Variants in POU2F1 observed in about 807,000 individuals in gnomAD.
POU2F1 encodes POU class 2 homeobox 1, also known as POU domain, class 2, transcription factor 1.
POU2F1 carries 16 observed loss-of-function variants against 84.9 expected under a neutral mutation model. The ratio of observed to expected loss-of-function variants is 0.19; its 90% CI spans 0.13 to 0.29. POU2F1 has a LOEUF of 0.29. Ranked by LOEUF, POU2F1 falls within the 10% of genes least tolerant of loss-of-function variation. POU2F1 has a pLI of 1.00. For synonymous variants in POU2F1, 368 were observed against 368.3 expected (o/e 1.00, Z 0.01); for missense variants, 738 against 942.6 (o/e 0.78, Z 2.84).
chr1:167,409,809 A>G (rs923224953), intron 13 of POU2F1, among the ~76,000 whole-genome samples: 4 of 152,356 alleles, frequency 2.6e-5, no homozygotes, highest in Non-Finnish European at 5.9e-5. Flanking sequence ...AAAATAGGCA[A>G]TTCAATTTCA....
At chr1:167,290,555 C>T (rs1439970367) in intron 1 of POU2F1, among the ~76,000 whole-genome samples, 1 of 152,208 alleles carries the variant, frequency 6.6e-6, no homozygotes, top group Non-Finnish European at 1.5e-5. Context: ...CCAGCTGAAG[C>T]GTCTCAAGGT....
At chr1:167,401,601 C>A in intron 13 of POU2F1, 45 bp downstream of exon 13, 1 of 1,363,480 alleles carries the variant, frequency 7.3e-7, no homozygotes, top group South Asian at 1.3e-5. Context: ...CATGGGAGGC[C>A]CGTTTTGGGT....
intron 7 of POU2F1, chr1:167,380,576 T>C (rs1368401081): frequency 6.6e-6 from 1 of 152,236 alleles, no homozygotes. Context: ...GAAATACGTC[T>C]ATAAACATTT....
At chr1:167,313,800 G>C (rs1655669167) in intron 1 of POU2F1, among the ~76,000 whole-genome samples, 1 of 152,152 alleles carries the variant, frequency 6.6e-6, no homozygotes, top group Non-Finnish European at 1.5e-5. Flanking sequence ...GAAAAGACAT[G>C]GTCCACAGTG....
chr1:167,279,834 AG>A (rs1652991338), intron 1 of POU2F1, among the ~76,000 whole-genome samples: 1 of 152,186 alleles, frequency 6.6e-6, no homozygotes, highest in Non-Finnish European at 1.5e-5. Flanking sequence ...GTCTAGATTG[AG>A]AAAAAAGTGA....
chr1:167,366,495 T>G (rs1659693280), intron 3 of POU2F1, among the ~76,000 whole-genome samples: 1 of 152,172 alleles, frequency 6.6e-6, no homozygotes, highest in South Asian at 2.1e-4. Flanking sequence ...CCACCTAAAC[T>G]ATAAAAGAAA....
intron 1 of POU2F1, among the ~76,000 whole-genome samples, chr1:167,221,438 G>A (rs1401332746): frequency 6.7e-6 from 1 of 149,640 alleles, no homozygotes; most frequent in African/African-American, 2.4e-5. Context: ...CGGGCGCGGG[G>A]TGGGGGGCGT....
rs1657145874 is a variant in POU2F1, at chr1:167,332,566, A to C, written c.127+31A>C. The C allele has an allele frequency of 2.6e-6, 4 of 1,529,294 alleles. No individual in the cohort carries two copies. In the East Asian group the frequency reaches 9.0e-5, roughly 35 times the overall value. 94.7% of individuals were successfully genotyped at this position (1,529,294 alleles called of 1,614,324 possible). On this transcript the variant is annotated intron_variant, in intron 2 of 15. Coordinates refer to ENST00000367866, the MANE Select transcript of POU2F1 (RefSeq NM_002697.4). ...AGTTTTCTGATCTAGCTTTTTAATT[A>C]ACTCTAGTAGAGCACAAAGAAGAAA...
chr1:167,329,197 T>C, intron 1 of POU2F1: 14 of 1,528,030 alleles, frequency 9.2e-6, no homozygotes, highest in Non-Finnish European at 1.2e-5. Context: ...TTAGAAATAG[T>C]AGTACCTTCT....
intron 1 of POU2F1, among the ~76,000 whole-genome samples, chr1:167,257,471 G>A (rs964141720): frequency 2.0e-5 from 3 of 152,220 alleles, no homozygotes; most frequent in Admixed American, 6.5e-5. Flanking sequence ...CCCTGACGTC[G>A]ATTTTCAGTT....
At chr1:167,401,323 G>C (rs6664379) in intron 12 of POU2F1, 128 bp from the exon 13 acceptor site, 31,836 of 567,892 alleles carry the variant, frequency 0.056, 3,617 homozygotes, top group African/African-American at 0.36. Context: ...AACCATCTTC[G>C]AATAGCAGCT....
intron 1 of POU2F1, among the ~76,000 whole-genome samples, chr1:167,328,055 A>G (rs1041443257): frequency 2.6e-5 from 4 of 152,172 alleles, no homozygotes; most frequent in African/African-American, 7.2e-5. Context: ...GAATAAACAT[A>G]TAGTTTAGTA....
chr1:167,381,399 A>AAAAGTTCTAAAC (rs1647537133), intron 7 of POU2F1, among the ~76,000 whole-genome samples: 1 of 151,390 alleles, frequency 6.6e-6, no homozygotes, highest in East Asian at 2.0e-4. Context: ...TGGTTTTTTA[A>AAAAGTTCTAAAC]AAAGTTCTAA....
chr1:167,394,503 A>G (rs1389533167), intron 9 of POU2F1, among the ~76,000 whole-genome samples: 1 of 152,202 alleles, frequency 6.6e-6, no homozygotes, highest in Admixed American at 6.5e-5. Context: ...CTACTTCAGT[A>G]TATTCAGAAC....
intron 1 of POU2F1, among the ~76,000 whole-genome samples, chr1:167,249,907 T>C (rs1274019979): frequency 2.0e-5 from 3 of 152,210 alleles, no homozygotes; most frequent in Non-Finnish European, 4.4e-5. Flanking sequence ...GAAAGCATCA[T>C]TTGCAAGATG....
chr1:167,358,375 A>G (rs893140749), intron 2 of POU2F1, among the ~76,000 whole-genome samples: 1 of 151,560 alleles, frequency 6.6e-6, no homozygotes. Context: ...ACACTTTATC[A>G]GGTTATGGTA....
Position 167,397,975 on chromosome 1 carries a change from A to G in POU2F1, c.1130-19A>G. On this transcript the variant is annotated intron_variant, in intron 10 of 15. Coordinates refer to ENST00000367866, the MANE Select transcript of POU2F1 (RefSeq NM_002697.4). ...TGTGCTCAGCTAATTTTATTTCTGT[A>G]TTTTCTTCATTCTTACAGAGAACCT... The G allele has an allele frequency of 6.3e-7, 1 of 1,598,942 alleles. No individual in the cohort carries two copies. The highest frequency in any genetic ancestry group is 8.5e-7 in the Non-Finnish European group (1 of 1,173,736).
rs1264350487 is a variant in POU2F1, at chr1:167,351,463, G to A, written c.128-14004G>A. 2.2e-5 allele frequency among the ~76,000 whole-genome samples: 3 copies of A among 136,416 alleles called. No homozygotes were observed. In the East Asian group the frequency reaches 6.8e-4, roughly 31 times the overall value. The allele number at this position is 136,416 out of a possible 152,430, so 89.5% of individuals were successfully genotyped here. The stretch of plus-strand genomic sequence containing the variant: ...AACCTGGGAGGCGCAGGGTTGCAGT[G>A]AGCCGAGATCGCGCCACTGCACTCC... On this transcript the variant is annotated intron_variant, in intron 2 of 15. Coordinates refer to ENST00000367866, the MANE Select transcript of POU2F1 (RefSeq NM_002697.4).
At chr1:167,246,688 A>ACAG (rs1650343191) in intron 1 of POU2F1, among the ~76,000 whole-genome samples, 1 of 152,240 alleles carries the variant, frequency 6.6e-6, no homozygotes, top group Non-Finnish European at 1.5e-5. Flanking sequence ...AAACCTGTGC[A>ACAG]GTCTTTTTGT....
Sources: allele counts gnomAD v4.1 joint callset (sites outside exome capture counted in the v4.1 genomes callset), GRCh38; gene constraint gnomAD v4.1.1; transcripts MANE v1.5; gene names NCBI Gene and HGNC (gene_info 2026-07-23, HGNC 2026-07-21).